ARMC8: variants seen among roughly 807,000 people sequenced by gnomAD.
ARMC8 encodes the protein armadillo repeat-containing protein 8.
ARMC8 carries 20 observed loss-of-function variants against 99.3 expected under a neutral mutation model. The ratio of observed to expected loss-of-function variants is 0.20; its 90% CI spans 0.14 to 0.29. The LOEUF is 0.29. Among genes scored for constraint, ARMC8 ranks in the 10% least tolerant of loss-of-function variants. ARMC8 has a pLI of 1.00. For missense variants in ARMC8, 569 were observed against 809.5 expected (o/e 0.70, Z 3.60); for synonymous variants, 263 against 278.3 (o/e 0.95, Z 0.55).
At chr3:138,232,033 C>G (rs569078818) in intron 6 of ARMC8, among the ~76,000 whole-genome samples, 3 of 125,458 alleles carry the variant, frequency 2.4e-5, no homozygotes, top group African/African-American at 9.2e-5. Flanking sequence ...TGTAGTGGCG[C>G]AATCTCGGCT....
chr3:138,289,319 G>A (rs554138502), intron 20 of ARMC8, among the ~76,000 whole-genome samples, 199 bp downstream of exon 20: 1 of 152,150 alleles, frequency 6.6e-6, no homozygotes, highest in Admixed American at 6.5e-5. Context: ...TGAGTGCCCC[G>A]TTGGAGCCAA....
chr3:138,237,350 T>C lies in ARMC8; in HGVS notation c.651T>C (p.Phe217=). The C allele has an allele frequency of 6.2e-7, 1 of 1,613,822 alleles. No homozygotes were observed. The highest frequency in any genetic ancestry group is 1.1e-5 in the South Asian group (1 of 90,958). The stretch of plus-strand genomic sequence containing the variant: ...TGAAATGTTTCTCAGTTTTAGCTTT[T>C]GAAAACCCCCAGGTATCGATGACCC... The part of the protein sequence containing the change: ...QALKCFSVLA[F]ENPQVSMTLV... Residue 217 remains phenylalanine (F), a synonymous_variant, in exon 8 of 22, where the codon TTT becomes TTC. Coordinates refer to ENST00000469044, the MANE Select transcript of ARMC8 (RefSeq NM_001363941.2).
At chr3:138,202,250 A>G (rs923552884) in intron 1 of ARMC8, among the ~76,000 whole-genome samples, 2 of 152,244 alleles carry the variant, frequency 1.3e-5, no homozygotes, top group African/African-American at 4.8e-5. Flanking sequence ...GTCTGGGGTC[A>G]GAATACCTCA....
chr3:138,274,234 TG>T (rs1349645727), intron 17 of ARMC8, among the ~76,000 whole-genome samples: 1 of 101,220 alleles, frequency 9.9e-6, no homozygotes, highest in African/African-American at 1.0e-4. Flanking sequence ...TGTATATACA[TG>T]TGTGTGTGTG....
chr3:138,276,016 A>G (rs1002467396), intron 18 of ARMC8, among the ~76,000 whole-genome samples: 5 of 152,214 alleles, frequency 3.3e-5, no homozygotes, highest in African/African-American at 1.2e-4. Flanking sequence ...AATTTTGTCT[A>G]TAAAGACAAC....
At chr3:138,291,659 A>C (rs1410103219) in intron 21 of ARMC8, among the ~76,000 whole-genome samples, 3 of 152,208 alleles carry the variant, frequency 2.0e-5, no homozygotes, top group African/African-American at 7.2e-5. Flanking sequence ...GAATCAAGAA[A>C]ATTTATTTTA....
At chr3:138,239,319 T>C in intron 9 of ARMC8, 149 bp from the exon 10 acceptor site, 1 of 558,526 alleles carries the variant, frequency 1.8e-6, no homozygotes, top group East Asian at 3.4e-5. Context: ...TGACTGAACC[T>C]CCGAAAAGCG....
chr3:138,284,956 G>C (rs1392357930), intron 19 of ARMC8, among the ~76,000 whole-genome samples: 1 of 152,178 alleles, frequency 6.6e-6, no homozygotes, highest in African/African-American at 2.4e-5. Context: ...TCCTGCATCT[G>C]ATCATCACCA....
At chr3:138,289,209 C>T (rs1272655481) in intron 20 of ARMC8, 89 bp downstream of exon 20, 2 of 1,022,178 alleles carry the variant, frequency 2.0e-6, no homozygotes, top group East Asian at 2.6e-5. Context: ...AGATCCTGGG[C>T]AGAGGCTCTG....
At chr3:138,262,679 G>C (rs940649218) in intron 12 of ARMC8, 3 of 1,258,260 alleles carry the variant, frequency 2.4e-6, no homozygotes, top group Non-Finnish European at 3.1e-6. Context: ...CCTGGACATA[G>C]GATTAAAAAA....
Position 138,295,863 on chromosome 3 carries a change from A to G in ARMC8, c.1993A>G (p.Lys665Glu), listed in dbSNP as rs770858025. The G allele has an allele frequency of 6.2e-7, 1 of 1,613,744 alleles. No homozygotes were observed. Among genetic ancestry groups the G allele is most frequent in the Non-Finnish European group, 8.5e-7 (1 of 1,179,780 alleles). The change falls in exon 22 of 22, where the codon AAG becomes GAG. Residue 665 changes from lysine to glutamate, a missense_variant. By Grantham distance (56) the Lys-to-Glu change is moderately conservative. Around this residue, in one of 2 missense-constraint regions of ARMC8, gnomAD observed 227 missense variants for 417.9 expected, o/e 0.54. Coordinates refer to ENST00000469044, the MANE Select transcript of ARMC8 (RefSeq NM_001363941.2). The part of the protein sequence containing the change: ...SPDSNLCDKA[K>E]MALQQYLA ...ACAGGAATTTTGTGATTTCAGGGCA[A>G]AGATGGCACTGCAGCAGTACCTGGC... is the stretch of plus-strand genomic sequence containing the variant.
intron 19 of ARMC8, among the ~76,000 whole-genome samples, chr3:138,285,398 C>T (rs951935542): frequency 6.6e-6 from 1 of 152,154 alleles, no homozygotes; most frequent in Admixed American, 6.5e-5. Flanking sequence ...TGACCTAACC[C>T]ATTCATATCC....
intron 1 of ARMC8, chr3:138,188,574 G>A (rs1314978457): frequency 6.2e-7 from 1 of 1,612,846 alleles, no homozygotes; most frequent in South Asian, 1.1e-5. Context: ...GAAACAAGCA[G>A]GCAAATACTG....
rs1252413801 is a variant in ARMC8 at position 138,298,214 on chromosome 3, CCT to C, written c.*2323_*2324del. 1 of 152,130 alleles carries C rather than the reference CCT, an allele frequency of 6.6e-6. No individual in the cohort carries two copies. The highest frequency in any genetic ancestry group is 1.5e-5 in the Non-Finnish European group (1 of 68,032). 9.4% of individuals were successfully genotyped at this position (152,130 alleles called of 1,614,324 possible). ...CTGCATTCTGTTTCTCCTTTTGTGCCCTGATTGTAATCCAAAATTTATGAACT... is the reference window on the plus strand; with the variant it reads ...CTGCATTCTGTTTCTCCTTTTGTGCCGATTGTAATCCAAAATTTATGAACT... On this transcript the variant is annotated 3_prime_UTR_variant, in exon 22 of 22. Transcript: ENST00000469044.
At chr3:138,189,966 C>T (rs1241472916) in intron 1 of ARMC8, among the ~76,000 whole-genome samples, 1 of 152,166 alleles carries the variant, frequency 6.6e-6, no homozygotes, top group African/African-American at 2.4e-5. Context: ...ATTCTTCCTC[C>T]TTTCATCCCC....
At chr3:138,245,452 C>T (rs2046838994) in intron 12 of ARMC8, 10 of 1,356,232 alleles carry the variant, frequency 7.4e-6, no homozygotes, top group Non-Finnish European at 7.6e-6. Context: ...TTATGTTGCA[C>T]ATTTTTGCAT....
chr3:138,216,524 A>G (rs2045052785), intron 2 of ARMC8, among the ~76,000 whole-genome samples: 1 of 152,244 alleles, frequency 6.6e-6, no homozygotes, highest in Admixed American at 6.5e-5. Flanking sequence ...CAGAAAGGTT[A>G]TCATACTTGG....
At chr3:138,288,975 A>T in intron 19 of ARMC8, 73 bp from the exon 20 acceptor site, 1 of 1,239,350 alleles carries the variant, frequency 8.1e-7, no homozygotes, top group Non-Finnish European at 1.2e-6. Context: ...TGGCTATGGT[A>T]GGTCCCCCCA....
chr3:138,280,156 G>T (rs1373273735), intron 18 of ARMC8, among the ~76,000 whole-genome samples: 2 of 151,946 alleles, frequency 1.3e-5, no homozygotes, highest in East Asian at 3.9e-4. Flanking sequence ...TGCCCACCTC[G>T]GCCTCCCAAA....
Sources: gnomAD v4.1 joint callset for allele counts (sites outside exome capture counted in the v4.1 genomes callset) on GRCh38, gnomAD v4.1.1 for gene constraint, gnomAD v4.1.1 regional missense constraint, MANE v1.5 for transcripts, NCBI Gene and HGNC (gene_info 2026-07-23, HGNC 2026-07-21) for gene names.